Variants in LRRC57 observed in about 807,000 individuals in gnomAD.
The protein encoded by LRRC57 is leucine-rich repeat-containing protein 57.
Under a neutral mutation model 23.1 loss-of-function variants are expected in LRRC57, and 14 were observed. The ratio of observed to expected loss-of-function variants is 0.61; its 90% CI spans 0.40 to 0.95. The LOEUF (loss-of-function observed/expected upper bound fraction) is 0.95. Among genes scored for constraint, LRRC57 ranks in the 40% least tolerant of loss-of-function variants. The pLI is 0.00. For synonymous variants in LRRC57, 106 were observed against 115.2 expected, an observed-to-expected ratio of 0.92 and a Z score of 0.51; for missense variants, 236 against 284.4, an observed-to-expected ratio of 0.83 and a Z score of 1.22.
chr15:42,539,477 C>CAAAAAAAAAAAAAAAA lies in LRRC57; in HGVS notation c.*4590_*4605dup, dbSNP rs1164646488. Reference sequence around the variant, plus strand: ...TGGGCGAAACAGACAGCCTCTGTCTCAAAAAAAAAAAAAAAAAAAAAGAGA... The same window carrying CAAAAAAAAAAAAAAAA: ...TGGGCGAAACAGACAGCCTCTGTCTCAAAAAAAAAAAAAAAAAAAAAAAAAAAAAAAAAAAAAGAGA... On this transcript the variant is annotated 3_prime_UTR_variant, in exon 6 of 6. Coordinates refer to ENST00000397130, the MANE Select transcript of LRRC57 (RefSeq NM_153260.3). 1.9e-3 allele frequency: 84 copies of CAAAAAAAAAAAAAAAA among 43,656 alleles called. 7 individuals carry two copies. The highest frequency in any genetic ancestry group is 9.0e-3 in the African/African-American group (83 of 9,222). 2.7% of individuals were successfully genotyped at this position (43,656 alleles called of 1,614,324 possible).
rs199949776 is a variant in LRRC57, at chr15:42,548,275, C to T, written c.85-31G>A. 6.1e-5 allele frequency: 99 copies of T among 1,613,998 alleles called. No individual in the cohort carries two copies. In the African/African-American group the frequency reaches 1.1e-3, roughly 19 times the overall value. ...GAAAGGAGTTCACAGCGTGGGGAAT[C>T]CCGCACCGACTAAGTTCGCCGCCCC... On this transcript the variant is annotated intron_variant, in intron 2 of 5. Coordinates refer to ENST00000397130, the MANE Select transcript of LRRC57 (RefSeq NM_153260.3).
In LRRC57 at chr15:42,540,864, C is replaced by G. The variant is rs2141574761; in HGVS notation, c.*3219G>C. The G allele has an allele frequency of 6.6e-6, 1 of 151,980 alleles. No individual in the cohort carries two copies. Among genetic ancestry groups the G allele is most frequent in the East Asian group, 1.9e-4 (1 of 5,172 alleles). The allele number at this position is 151,980 out of a possible 1,614,324, so 9.4% of individuals were successfully genotyped here. On this transcript the variant is annotated 3_prime_UTR_variant, in exon 6 of 6. Transcript: ENST00000397130. ...CCAACATGGTGAAACCCCATCTCTA[C>G]TAAAATACAAAAAATTAGCAGGGCG...
Position 42,548,771 on chromosome 15 carries a change from A to T in LRRC57, c.-101T>A, listed in dbSNP as rs534311844. 2 of 830,826 alleles carry T rather than the reference A, an allele frequency of 2.4e-6. No individual in the cohort carries two copies. Among genetic ancestry groups the T allele is most frequent in the Non-Finnish European group, 1.9e-6 (1 of 528,980 alleles). The allele number at this position is 830,826 out of a possible 1,614,324, so 51.5% of individuals were successfully genotyped here. A position where few individuals can be genotyped will look rare whatever the true frequency, so the allele number is the denominator to read the frequency against. ...GTAGCCGGGATGCGCTCCCCGGCTT[A>T]GTCCCGGGCGGGAACGCCCTGTGAC... On this transcript the variant is annotated 5_prime_UTR_variant, in exon 1 of 6. Transcript: ENST00000397130.
chr15:42,547,998 G>A (rs1281535685), intron 3 of LRRC57, 108 bp downstream of exon 3: 10 of 1,123,858 alleles, frequency 8.9e-6, no homozygotes, highest in Non-Finnish European at 2.6e-6. Context: ...TTCGCAACTT[G>A]AGCCCTCCTG....
At chr15:42,537,093 T>G (rs565014443), downstream of LRRC57, among the ~76,000 whole-genome samples, 5 of 152,208 alleles carry the variant, frequency 3.3e-5, no homozygotes, top group African/African-American at 1.2e-4. Flanking sequence ...CAGTTGCACT[T>G]AGAATTAGCT....
At chr15:42,533,638 T>C (rs775815796), downstream of LRRC57, among the ~76,000 whole-genome samples, 2 of 152,238 alleles carry the variant, frequency 1.3e-5, no homozygotes, top group South Asian at 4.1e-4. Context: ...CACAGTATGA[T>C]TGGTTAGAAG....
At chr15:42,535,406 G>T (rs1284348235), downstream of LRRC57, among the ~76,000 whole-genome samples, 1 of 151,082 alleles carries the variant, frequency 6.6e-6, no homozygotes, top group Non-Finnish European at 1.5e-5. Flanking sequence ...TCACCACTTG[G>T]TTAACCGGCG....
the LRRC57 span, chr15:42,531,522 CCTCCT>C: frequency 1.4e-6 from 2 of 1,453,754 alleles, no homozygotes; most frequent in South Asian, 2.4e-5. Context: ...TTCCGTAGCT[CCTCCT>C]TGAAAGTTAT....
rs1256583979 is a variant in LRRC57 at position 42,544,836 on chromosome 15, C to CTATATATATATATATAT, written c.678+240_678+241insATATATATATATATATA. Among the ~76,000 whole-genome samples, 54 of 103,704 alleles carry CTATATATATATATATAT rather than the reference C, an allele frequency of 5.2e-4. 1 individual carries two copies. Among genetic ancestry groups the CTATATATATATATATAT allele is most frequent in the African/African-American group, 2.4e-3 (43 of 18,236 alleles). The allele number at this position is 103,704 out of a possible 152,430, so 68.0% of individuals were successfully genotyped here. A position where few individuals can be genotyped will look rare whatever the true frequency, so the allele number is the denominator to read the frequency against. The stretch of plus-strand genomic sequence containing the variant: ...TGTCTCACACACACACACACACACA[C>CTATATATATATATATAT]ACACACTATATATATATATATATCA... On this transcript the variant is annotated intron_variant, in intron 5 of 5. Coordinates refer to ENST00000397130, the MANE Select transcript of LRRC57 (RefSeq NM_153260.3).
downstream of LRRC57, among the ~76,000 whole-genome samples, chr15:42,537,115 T>TA (rs2057603880): frequency 6.6e-6 from 1 of 151,978 alleles, no homozygotes; most frequent in Non-Finnish European, 1.5e-5. Context: ...TTTAAAGACA[T>TA]ACACTGTAGT....
At chr15:42,537,254 C>CACACACACAT (rs1555381690), downstream of LRRC57, among the ~76,000 whole-genome samples, 3 of 151,364 alleles carry the variant, frequency 2.0e-5, no homozygotes, top group African/African-American at 7.3e-5. Context: ...CACACACACA[C>CACACACACAT]ACACACACAC....
In LRRC57 at chr15:42,539,331, A is replaced by C; in HGVS notation, c.*4752T>G. 6.6e-6 allele frequency: 1 copy of C among 151,756 alleles called. No homozygotes were observed. The highest frequency in any genetic ancestry group is 1.9e-4 in the East Asian group (1 of 5,166). The allele number at this position is 151,756 out of a possible 1,614,324, so 9.4% of individuals were successfully genotyped here. On this transcript the variant is annotated 3_prime_UTR_variant, in exon 6 of 6. Coordinates refer to ENST00000397130, the MANE Select transcript of LRRC57 (RefSeq NM_153260.3). ...CCATTTTACTAAAAATACAAAAATT[A>C]GCTGGGCGTGGTGGTGGGCACCTGT...
rs1465519850 is a variant in LRRC57, at chr15:42,542,133, C to G, written c.*1950G>C. 1 of 151,284 alleles carries G rather than the reference C, an allele frequency of 6.6e-6. No individual in the cohort carries two copies. The highest frequency in any genetic ancestry group is 6.6e-5 in the Admixed American group (1 of 15,112). 9.4% of individuals were successfully genotyped at this position (151,284 alleles called of 1,614,324 possible). On this transcript the variant is annotated 3_prime_UTR_variant, in exon 6 of 6. Coordinates refer to ENST00000397130, the MANE Select transcript of LRRC57 (RefSeq NM_153260.3). Reference sequence around the variant, plus strand: ...TTCAATGGCACCCTCACTGCAAGCTCCGCCTCCCGGTTTCAAGCAATTCTC... The same window carrying G: ...TTCAATGGCACCCTCACTGCAAGCTGCGCCTCCCGGTTTCAAGCAATTCTC...
downstream of LRRC57, among the ~76,000 whole-genome samples, chr15:42,535,540 A>G (rs2057596684): frequency 6.7e-6 from 1 of 150,180 alleles, no homozygotes; most frequent in South Asian, 2.1e-4. Flanking sequence ...CTGTCTCCCG[A>G]GTAGCTGGGA....
intron 4 of LRRC57, among the ~76,000 whole-genome samples, chr15:42,546,039 T>C (rs1226170100): frequency 6.6e-6 from 1 of 152,224 alleles, no homozygotes; most frequent in Non-Finnish European, 1.5e-5. Flanking sequence ...ATAGCACTAC[T>C]GTTCCTTTAG....
At chr15:42,545,314 G>C in intron 4 of LRRC57, 52 bp from the exon 5 acceptor site, 1 of 1,283,654 alleles carries the variant, frequency 7.8e-7, no homozygotes, top group Non-Finnish European at 1.1e-6. Context: ...CACTATACTG[G>C]TTACTTTTAG....
chr15:42,534,763 A>G (rs1159640682), downstream of LRRC57, among the ~76,000 whole-genome samples: 1 of 152,224 alleles, frequency 6.6e-6, no homozygotes, highest in East Asian at 1.9e-4. Flanking sequence ...GGGTGACCAT[A>G]TACTCTGATG....
In LRRC57 at chr15:42,547,364, A is replaced by C; in HGVS notation, c.389T>G (p.Leu130Arg). 1 of 1,614,224 alleles carries C rather than the reference A, an allele frequency of 6.2e-7. No individual in the cohort carries two copies. The highest frequency in any genetic ancestry group is 8.5e-7 in the Non-Finnish European group (1 of 1,180,036). ...GAGATCCATCACATCCAGGTGCCGT[A>C]GGCTACAAAGTTGGGGAGGTAATGC... Reference protein sequence around the residue: ...LGALPPQLCSLRHLDVMDLSK... With the variant: ...LGALPPQLCSRRHLDVMDLSK... Residue 130 changes from leucine to arginine, a missense_variant, in exon 4 of 6, where the codon CTA becomes CGA. Leu to Arg is a moderately radical substitution (Grantham distance 102). Transcript: ENST00000397130.
At chr15:42,544,962 C>T in intron 5 of LRRC57, 115 bp downstream of exon 5, 1 of 802,470 alleles carries the variant, frequency 1.2e-6, no homozygotes, top group Non-Finnish European at 1.9e-6. Flanking sequence ...AATCTACTTC[C>T]AAAATGGGGA....
Sources: gnomAD v4.1 joint callset for allele counts (sites outside exome capture counted in the v4.1 genomes callset) on GRCh38, gnomAD v4.1.1 for gene constraint, MANE v1.5 for transcripts, NCBI Gene and HGNC (gene_info 2026-07-23, HGNC 2026-07-21) for gene names.